The following LMO7 variants were observed in gnomAD, a reference collection of about 807,000 sequenced individuals.
LMO7 encodes the protein LIM domain only protein 7.
LMO7 carries 120 observed loss-of-function variants against 206.5 expected under a neutral mutation model. That is an observed-to-expected ratio of 0.58 (90% CI 0.50 to 0.68). The LOEUF (loss-of-function observed/expected upper bound fraction) is 0.68, where lower values mean the gene tolerates loss of function less well. Ranked by LOEUF, LMO7 falls within the 30% of genes least tolerant of loss-of-function variation. LMO7 has a pLI of 0.00. For synonymous variants in LMO7, 706 were observed against 681.5 expected, an observed-to-expected ratio of 1.04 and a Z score of -0.56; for missense variants, 1,959 against 1,957.9, an observed-to-expected ratio of 1.00 and a Z score of -0.01.
At chr13:75,710,759 C>G (rs946597221) in intron 1 of LMO7, among the ~76,000 whole-genome samples, 1 of 152,058 alleles carries the variant, frequency 6.6e-6, no homozygotes, top group African/African-American at 2.4e-5. Context: ...GACAATTTGA[C>G]TTCCTCTTTT....
rs925743842 is a variant in LMO7 at position 75,805,693 on chromosome 13, G to C, written c.1129G>C (p.Asp377His). Residue 377 changes from aspartate to histidine, a missense_variant, in exon 9 of 31, where the codon GAT becomes CAT. Asp to His is a moderately conservative substitution (Grantham distance 81, BLOSUM62 -1). Coordinates refer to ENST00000377534, the MANE Select transcript of LMO7 (RefSeq NM_001306080.2). Reference protein sequence around the residue: ...QFLPKCWTPEDVNWKRIKRET... With the variant: ...QFLPKCWTPEHVNWKRIKRET... ...TCTTCCCAAATGTTGGACCCCAGAA[G>C]ATGTGAACTGGAAAAGAATAAAAAG... 6.2e-7 allele frequency: 1 copy of C among 1,614,010 alleles called. No individual in the cohort carries two copies. Among genetic ancestry groups the C allele is most frequent in the Non-Finnish European group, 8.5e-7 (1 of 1,179,884 alleles).
intron 4 of LMO7, among the ~76,000 whole-genome samples, chr13:75,781,569 A>G (rs563994516): frequency 4.6e-5 from 7 of 152,116 alleles, no homozygotes; most frequent in Admixed American, 1.3e-4. Flanking sequence ...GCTATTGTGA[A>G]TAGTGCCGCA....
chr13:75,648,912 T>C (rs1004782084), intron 1 of LMO7, among the ~76,000 whole-genome samples: 2 of 152,212 alleles, frequency 1.3e-5, no homozygotes, highest in African/African-American at 4.8e-5. Flanking sequence ...TAGGAATAAG[T>C]GCAGACATGG....
At chr13:75,811,565 T>G (rs1250480005) in intron 11 of LMO7, among the ~76,000 whole-genome samples, 1 of 152,264 alleles carries the variant, frequency 6.6e-6, no homozygotes, top group Non-Finnish European at 1.5e-5. Flanking sequence ...ATGAATGCTT[T>G]CTTTTTTGTA....
chr13:75,777,365 A>G (rs1428115631), intron 4 of LMO7, among the ~76,000 whole-genome samples: 1 of 152,208 alleles, frequency 6.6e-6, no homozygotes, highest in Non-Finnish European at 1.5e-5. Flanking sequence ...ATTTAAGAAT[A>G]TAAAGAAGAA....
intron 3 of LMO7, among the ~76,000 whole-genome samples, chr13:75,752,419 C>G (rs2047346991): frequency 6.6e-6 from 1 of 152,156 alleles, no homozygotes; most frequent in South Asian, 2.1e-4. Flanking sequence ...AGGCATGAGC[C>G]ACTGCACCCG....
chr13:75,623,404 C>T, intron 2 of LMO7: 3 of 760,956 alleles, frequency 3.9e-6, no homozygotes, highest in Non-Finnish European at 6.9e-6. Flanking sequence ...TGCTCTGTTG[C>T]CCAGGGTGGA....
At chr13:75,677,799 C>A (rs1264764909) in intron 1 of LMO7, among the ~76,000 whole-genome samples, 2 of 129,648 alleles carry the variant, frequency 1.5e-5, no homozygotes, top group Admixed American at 1.6e-4. Flanking sequence ...CCCCTCCCCC[C>A]ACCCCACAAC....
At chr13:75,741,948 C>A (rs2046446419) in intron 3 of LMO7, among the ~76,000 whole-genome samples, 1 of 152,184 alleles carries the variant, frequency 6.6e-6, no homozygotes, top group Non-Finnish European at 1.5e-5. Context: ...TTCCTGTTTG[C>A]AGATGACTTG....
chr13:75,671,917 A>G (rs1275883879), intron 1 of LMO7, among the ~76,000 whole-genome samples: 1 of 152,116 alleles, frequency 6.6e-6, no homozygotes, highest in Non-Finnish European at 1.5e-5. Context: ...TCAACTGTGC[A>G]TGGTAAATAA....
intron 2 of LMO7, among the ~76,000 whole-genome samples, chr13:75,722,861 T>A (rs992783521): frequency 6.6e-6 from 1 of 152,184 alleles, no homozygotes; most frequent in Admixed American, 6.5e-5. Flanking sequence ...CGAAATGGCA[T>A]TTGCAGCAAC....
chr13:75,777,691 G>A (rs1453110708), intron 4 of LMO7, among the ~76,000 whole-genome samples: 1 of 146,602 alleles, frequency 6.8e-6, no homozygotes, highest in Non-Finnish European at 1.5e-5. Flanking sequence ...TGTCACCCAG[G>A]CTGGAGTGCA....
rs376246138 is a variant in LMO7 at position 75,708,537 on chromosome 13, C to T, written c.70-4645C>T. 6.6e-5 allele frequency among the ~76,000 whole-genome samples: 10 copies of T among 152,184 alleles called. 1 individual carries two copies. The East Asian group carries it at 7.7e-4, about 12-fold the overall frequency. ...TAGAGAGAATGGGCTTTAGCATCTG[C>T]GTTGGATGTTTCTGGGCCTATTTCA... On this transcript the variant is annotated intron_variant, in intron 1 of 30. Coordinates refer to ENST00000377534, the MANE Select transcript of LMO7 (RefSeq NM_001306080.2).
At chr13:75,647,951 C>CTTTCTTTTTTTTTTTTTTTTTT (rs1555286938) in intron 1 of LMO7, among the ~76,000 whole-genome samples, 1 of 91,128 alleles carries the variant, frequency 1.1e-5, no homozygotes, top group Admixed American at 1.6e-4. Flanking sequence ...TCTTTTCTTT[C>CTTTCTTTTTTTTTTTTTTTTTT]TTTTTTTTTT....
chr13:75,627,904 G>A (rs929296045), intron 2 of LMO7: 14 of 151,230 alleles, frequency 9.3e-5, no homozygotes, highest in Admixed American at 3.3e-4. Flanking sequence ...AAAAGGTCTT[G>A]GATTTATGTT....
chr13:75,769,481 T>C (rs1055815342), intron 4 of LMO7, among the ~76,000 whole-genome samples: 3 of 151,568 alleles, frequency 2.0e-5, no homozygotes, highest in Non-Finnish European at 4.4e-5. Context: ...AAACTTTTAA[T>C]TAAAAAAAAA....
Position 75,800,827 on chromosome 13 carries a change from C to T in LMO7, c.606C>T (p.Gly202=). The T allele has an allele frequency of 6.2e-7, 1 of 1,614,000 alleles. No individual in the cohort carries two copies. Among genetic ancestry groups the T allele is most frequent in the African/African-American group, 1.3e-5 (1 of 74,998 alleles). Reference sequence around the variant, plus strand: ...CCTTTGAAAGCTTGGACTCTTTGGGCTCGAGGTCATTGACAAGCTGCTCCT... The same window carrying T: ...CCTTTGAAAGCTTGGACTCTTTGGGTTCGAGGTCATTGACAAGCTGCTCCT... ...EDSFESLDSL[G]SRSLTSCSSD... is the part of the protein sequence containing the mutation. The change falls in exon 7 of 31, where the codon GGC becomes GGT. Residue 202 remains glycine, a synonymous_variant. Coordinates refer to ENST00000377534, the MANE Select transcript of LMO7 (RefSeq NM_001306080.2).
intron 26 of LMO7, among the ~76,000 whole-genome samples, chr13:75,845,808 A>G (rs1249587198): frequency 2.0e-5 from 3 of 152,252 alleles, no homozygotes; most frequent in Non-Finnish European, 4.4e-5. Flanking sequence ...AATTGTGCAG[A>G]AACAATTTGG....
intron 1 of LMO7, among the ~76,000 whole-genome samples, chr13:75,665,741 A>G (rs2039021352): frequency 6.6e-6 from 1 of 152,250 alleles, no homozygotes; most frequent in South Asian, 2.1e-4. Context: ...TGGCCAGGCC[A>G]GTCTCAAACT....
Sources: gnomAD v4.1 joint callset for allele counts (sites outside exome capture counted in the v4.1 genomes callset) on GRCh38, gnomAD v4.1.1 for gene constraint, MANE v1.5 for transcripts, NCBI Gene and HGNC (gene_info 2026-07-23, HGNC 2026-07-21) for gene names.